TFAP2D: variants seen among roughly 807,000 people sequenced by gnomAD.
TFAP2D encodes the protein transcription factor AP-2 delta.
A neutral mutation model predicts 43.6 loss-of-function variants in TFAP2D; 9 were observed. The ratio of observed to expected loss-of-function variants is 0.21; its 90% CI spans 0.12 to 0.36. The LOEUF (loss-of-function observed/expected upper bound fraction) is 0.36, where lower values mean the gene tolerates loss of function less well. TFAP2D is among the 10% of genes least tolerant of loss of function. The pLI is 1.00. For synonymous variants in TFAP2D, 256 were observed against 224.9 expected, an observed-to-expected ratio of 1.14 and a Z score of -1.24; for missense variants, 513 against 561.4, an observed-to-expected ratio of 0.91 and a Z score of 0.87.
chr6:50,725,148 A>G (rs970971905), intron 3 of TFAP2D, among the ~76,000 whole-genome samples: 47 of 152,258 alleles, frequency 3.1e-4, no homozygotes, highest in African/African-American at 1.1e-3. Flanking sequence ...GCTTCTTCAA[A>G]CCGAATAAGA....
Position 50,715,260 on chromosome 6 carries a change from A to G in TFAP2D, c.184A>G (p.Thr62Ala). The stretch of plus-strand genomic sequence containing the variant: ...CGAGTTTGCGTCCCCCTACTTCTCC[A>G]CTAACCACCAGTACACCCCGCTCCA... ...GTEFASPYFS[T>A]NHQYTPLHHQ... is the part of the protein sequence containing the mutation. The change falls in exon 2 of 8, where the codon ACT becomes GCT. Residue 62 changes from threonine (T) to alanine (A), a missense_variant. Coordinates refer to ENST00000008391, the MANE Select transcript of TFAP2D (RefSeq NM_172238.4). 2 of 1,612,992 alleles carry G rather than the reference A, an allele frequency of 1.2e-6. No individual in the cohort carries two copies. Among genetic ancestry groups the G allele is most frequent in the Non-Finnish European group, 1.7e-6 (2 of 1,179,708 alleles).
intron 1 of TFAP2D, among the ~76,000 whole-genome samples, chr6:50,714,744 C>G (rs928414203): frequency 6.6e-6 from 1 of 152,086 alleles, no homozygotes. Context: ...CCCGCGGCCC[C>G]GGAGTCAGTT....
chr6:50,761,402 T>G (rs763621310), intron 7 of TFAP2D, among the ~76,000 whole-genome samples: 4 of 152,078 alleles, frequency 2.6e-5, no homozygotes, highest in African/African-American at 4.8e-5. Context: ...TACCTCCAGC[T>G]TTTTGTACCC....
At chr6:50,721,643 A>G (rs1673951370) in intron 3 of TFAP2D, among the ~76,000 whole-genome samples, 1 of 152,200 alleles carries the variant, frequency 6.6e-6, no homozygotes, top group African/African-American at 2.4e-5. Context: ...AAAAATCAGG[A>G]AGACATTAAC....
At chr6:50,715,003 C>T (rs1036285310) in intron 1 of TFAP2D, 113 bp from the exon 2 acceptor site, 12 of 1,412,288 alleles carry the variant, frequency 8.5e-6, no homozygotes, top group Admixed American at 4.4e-5. Flanking sequence ...CCTACGCGCT[C>T]GCTTTCCTTG....
At chr6:50,760,776 C>G (rs536616840) in intron 7 of TFAP2D, among the ~76,000 whole-genome samples, 10 of 152,038 alleles carry the variant, frequency 6.6e-5, no homozygotes, top group Admixed American at 2.0e-4. Flanking sequence ...GGGTCTCTCT[C>G]CATGGCCTAC....
At chr6:50,735,212 G>A (rs1271727938) in intron 5 of TFAP2D, among the ~76,000 whole-genome samples, 10 of 152,078 alleles carry the variant, frequency 6.6e-5, no homozygotes, top group African/African-American at 2.2e-4. Context: ...ATACAATTGG[G>A]TGCAGCAAGG....
intron 6 of TFAP2D, among the ~76,000 whole-genome samples, chr6:50,748,877 C>T (rs374048196): frequency 2.6e-5 from 4 of 151,748 alleles, no homozygotes; most frequent in African/African-American, 4.8e-5. Flanking sequence ...AAACTTACGT[C>T]CTTAAGGACA....
chr6:50,719,484 A>AGAAG (rs1491164397), intron 3 of TFAP2D, among the ~76,000 whole-genome samples: 1 of 137,948 alleles, frequency 7.2e-6, no homozygotes, highest in Non-Finnish European at 1.7e-5. Context: ...AAAGAAAGAA[A>AGAAG]GAAAGAAAGA....
rs527768868 is a variant in TFAP2D at position 50,771,771 on chromosome 6, G to A, written c.1140-874G>A. On this transcript the variant is annotated intron_variant, in intron 7 of 7. Coordinates refer to ENST00000008391, the MANE Select transcript of TFAP2D (RefSeq NM_172238.4). Reference sequence around the variant, plus strand: ...GTGCTGGACAGGATGTGGAGAAATAGGAATATTTTTACACTGTTGGGGGGA... The same window carrying A: ...GTGCTGGACAGGATGTGGAGAAATAAGAATATTTTTACACTGTTGGGGGGA... Among the ~76,000 whole-genome samples the A allele has an allele frequency of 3.9e-5, 6 of 152,250 alleles. No individual in the cohort carries two copies. In the East Asian group the frequency reaches 9.7e-4, roughly 25 times the overall value.
chr6:50,764,786 G>A (rs1769419488), intron 7 of TFAP2D, among the ~76,000 whole-genome samples: 1 of 151,954 alleles, frequency 6.6e-6, no homozygotes. Context: ...CAGCTTTATT[G>A]AGGTATAATT....
chr6:50,740,104 TC>T (rs1200205951), intron 5 of TFAP2D, among the ~76,000 whole-genome samples: 1 of 152,202 alleles, frequency 6.6e-6, no homozygotes, highest in Non-Finnish European at 1.5e-5. Context: ...AAATTTGCTT[TC>T]TAATAGATAG....
intron 7 of TFAP2D, among the ~76,000 whole-genome samples, chr6:50,752,445 C>T (rs1769213383): frequency 6.6e-6 from 1 of 151,714 alleles, no homozygotes; most frequent in Admixed American, 6.6e-5. Context: ...TTTAGTTAAA[C>T]AATGATAAGG....
In TFAP2D at chr6:50,772,597, A is replaced by G. The variant is rs1301415099; in HGVS notation, c.1140-48A>G. 6 of 1,527,822 alleles carry G rather than the reference A, an allele frequency of 3.9e-6. No homozygotes were observed. In the South Asian group the frequency reaches 6.8e-5, roughly 17 times the overall value. The allele number at this position is 1,527,822 out of a possible 1,614,324, so 94.6% of individuals were successfully genotyped here. On this transcript the variant is annotated intron_variant, in intron 7 of 7. Coordinates refer to ENST00000008391, the MANE Select transcript of TFAP2D (RefSeq NM_172238.4). Reference sequence around the variant, plus strand: ...ATGGAGAGATTTGCTATTTCACATGATACTGCAAATCATTCACCTCTTTTT... The same window carrying G: ...ATGGAGAGATTTGCTATTTCACATGGTACTGCAAATCATTCACCTCTTTTT...
intron 3 of TFAP2D, among the ~76,000 whole-genome samples, chr6:50,720,574 T>C (rs1768704682): frequency 6.7e-6 from 1 of 149,904 alleles, no homozygotes; most frequent in Non-Finnish European, 1.5e-5. Context: ...ATTTTTTAAA[T>C]GAGGAATATT....
intron 7 of TFAP2D, among the ~76,000 whole-genome samples, chr6:50,752,367 A>C (rs1408072587): frequency 6.6e-6 from 1 of 151,900 alleles, no homozygotes; most frequent in Non-Finnish European, 1.5e-5. Flanking sequence ...GGTGCCTTAC[A>C]TTTTTAAAAC....
chr6:50,745,675 GTGAGAGGTACCAGGGAGACCT>G (rs1769115733), intron 6 of TFAP2D, among the ~76,000 whole-genome samples: 1 of 152,114 alleles, frequency 6.6e-6, no homozygotes. Context: ...TCACACGTTG[GTGAGAGGTACCAGGGAGACCT>G]CTGGGACCAA....
At position 50,751,743 on chromosome 6, in the gene TFAP2D, T is replaced by G. The variant is rs138918430; in HGVS notation, c.1139+419T>G. On this transcript the variant is annotated intron_variant, in intron 7 of 7. Coordinates refer to ENST00000008391, the MANE Select transcript of TFAP2D (RefSeq NM_172238.4). ...AATACTATTGCATTGGAGATTAGGTTTCAGTATATGAATTTGGAGTGGGGT... is the reference window on the plus strand; with the variant it reads ...AATACTATTGCATTGGAGATTAGGTGTCAGTATATGAATTTGGAGTGGGGT... Among the ~76,000 whole-genome samples the G allele has an allele frequency of 9.9e-5, 15 of 152,054 alleles. No individual in the cohort carries two copies. In the East Asian group the frequency reaches 2.9e-3, roughly 29 times the overall value.
chr6:50,719,171 T>C lies in TFAP2D; in HGVS notation c.598+21T>C, dbSNP rs148018265. On this transcript the variant is annotated intron_variant, in intron 3 of 7. Coordinates refer to ENST00000008391, the MANE Select transcript of TFAP2D (RefSeq NM_172238.4). The stretch of plus-strand genomic sequence containing the variant: ...AAGAGGTAAGTAACAAGTAACAACA[T>C]GTTAACCCTAGACATTCTTCTCCTA... 67 of 1,611,422 alleles carry C rather than the reference T, an allele frequency of 4.2e-5. No individual in the cohort carries two copies. In the East Asian group the frequency reaches 1.1e-3, roughly 27 times the overall value.
Sources: gnomAD v4.1 joint callset for allele counts (sites outside exome capture counted in the v4.1 genomes callset) on GRCh38, gnomAD v4.1.1 for gene constraint, MANE v1.5 for transcripts, NCBI Gene and HGNC (gene_info 2026-07-23, HGNC 2026-07-21) for gene names.